SYT9: variants seen among roughly 807,000 people sequenced by gnomAD.
The protein encoded by SYT9 is synaptotagmin-9.
Under a neutral mutation model 48.4 loss-of-function variants are expected in SYT9, and 22 were observed. The ratio of observed to expected loss-of-function variants is 0.45; its 90% CI spans 0.32 to 0.65. The LOEUF (loss-of-function observed/expected upper bound fraction) is 0.65, where lower values mean the gene tolerates loss of function less well. Ranked by LOEUF, SYT9 falls within the 30% of genes least tolerant of loss-of-function variation. SYT9 has a pLI of 0.03. For synonymous variants in SYT9, 265 were observed against 245.0 expected, an observed-to-expected ratio of 1.08 and a Z score of -0.76; for missense variants, 577 against 622.0, an observed-to-expected ratio of 0.93 and a Z score of 0.77.
Position 7,252,069 on chromosome 11 carries a change from C to A in SYT9, c.-118C>A. On this transcript the variant is annotated 5_prime_UTR_variant, in exon 1 of 7. Transcript: ENST00000318881. This position sits in a 1 kb window ranked among gnomAD's most constrained non-coding sequence, Gnocchi z 6.3. ...GCTCGGGCTCAGGCTCGCACCGTTT[C>A]TCGGCAGGTCCCTGGCGGTGAGCGC... 2 of 1,199,392 alleles carry A rather than the reference C, an allele frequency of 1.7e-6. No individual in the cohort carries two copies. Among genetic ancestry groups the A allele is most frequent in the African/African-American group, 1.6e-5 (1 of 62,640 alleles). The allele number at this position is 1,199,392 out of a possible 1,614,324, so 74.3% of individuals were successfully genotyped here. A position where few individuals can be genotyped will look rare whatever the true frequency, so the allele number is the denominator to read the frequency against.
At chr11:7,335,231 GA>G (rs1849613255) in intron 3 of SYT9, among the ~76,000 whole-genome samples, 1 of 151,878 alleles carries the variant, frequency 6.6e-6, no homozygotes, top group Non-Finnish European at 1.5e-5. Context: ...AAATGAAATT[GA>G]GCATCATTTC....
Position 7,375,304 on chromosome 11 carries a change from G to A in SYT9, c.1045-40738G>A, listed in dbSNP as rs1249095839. Among the ~76,000 whole-genome samples the A allele has an allele frequency of 3.9e-5, 6 of 152,164 alleles. No homozygotes were observed. In the East Asian group the frequency reaches 1.2e-3, roughly 29 times the overall value. ...TATCTTTTGGTACCAGTACCATGCTGTTTTGGTTACTATAGCCTTGTGATG... is the reference window on the plus strand; with the variant it reads ...TATCTTTTGGTACCAGTACCATGCTATTTTGGTTACTATAGCCTTGTGATG... On this transcript the variant is annotated intron_variant, in intron 3 of 6. Coordinates refer to ENST00000318881, the MANE Select transcript of SYT9 (RefSeq NM_175733.4).
At chr11:7,393,255 T>A (rs2134063665) in intron 3 of SYT9, among the ~76,000 whole-genome samples, 1 of 151,614 alleles carries the variant, frequency 6.6e-6, no homozygotes, top group Admixed American at 6.6e-5. Context: ...TGGCTCTTTC[T>A]ATTTTGAGGT....
chr11:7,453,165 T>C, intron 6 of SYT9, among the ~76,000 whole-genome samples: 1 of 151,918 alleles, frequency 6.6e-6, no homozygotes, highest in East Asian at 2.0e-4. Context: ...CTAAGGCGGA[T>C]GGATTGCTTG....
At chr11:7,268,825 A>C (rs894066249) in intron 1 of SYT9, among the ~76,000 whole-genome samples, 11 of 152,114 alleles carry the variant, frequency 7.2e-5, no homozygotes, top group African/African-American at 2.7e-4. Flanking sequence ...TGCAAGCATC[A>C]CTATAAATCA....
At chr11:7,311,167 T>C (rs1364424684) in intron 2 of SYT9, among the ~76,000 whole-genome samples, 2 of 152,142 alleles carry the variant, frequency 1.3e-5, no homozygotes, top group Non-Finnish European at 2.9e-5. Flanking sequence ...CCAGGTGTGG[T>C]GGCGCATGCC....
intron 6 of SYT9, among the ~76,000 whole-genome samples, chr11:7,464,910 G>A (rs1039685440): frequency 3.3e-5 from 5 of 151,520 alleles, no homozygotes; most frequent in South Asian, 2.1e-4. Context: ...GTGAAACCCC[G>A]TCTCTACTAA....
intron 3 of SYT9, among the ~76,000 whole-genome samples, chr11:7,365,502 T>C (rs1850223485): frequency 6.6e-6 from 1 of 152,354 alleles, no homozygotes; most frequent in Admixed American, 6.5e-5. Flanking sequence ...CTGAGCAAAC[T>C]GAATTGGAAT....
At chr11:7,458,344 G>A (rs1848185069) in intron 6 of SYT9, among the ~76,000 whole-genome samples, 1 of 152,144 alleles carries the variant, frequency 6.6e-6, no homozygotes, top group African/African-American at 2.4e-5. Context: ...AGCCGGGCAT[G>A]GTGGCGGTCG....
intron 3 of SYT9, among the ~76,000 whole-genome samples, chr11:7,358,263 G>T (rs1589969769): frequency 6.6e-6 from 1 of 150,998 alleles, no homozygotes; most frequent in East Asian, 1.9e-4. Context: ...CATAGACATT[G>T]TCTTCTTTTA....
In SYT9 at chr11:7,313,778, C is replaced by G. The variant is rs1446959308; in HGVS notation, c.881C>G (p.Pro294Arg). The G allele has an allele frequency of 6.2e-7, 1 of 1,614,172 alleles. No individual in the cohort carries two copies. The highest frequency in any genetic ancestry group is 2.2e-5 in the East Asian group (1 of 44,890). Reference sequence around the variant, plus strand: ...GATGAAGTGTTTTTATTTCCGGTTCCCTACAATGACCTTGAAGCACGGAAG... The same window carrying G: ...GATGAAGTGTTTTTATTTCCGGTTCGCTACAATGACCTTGAAGCACGGAAG... The part of the protein sequence containing the change: ...VFDEVFLFPV[P>R]YNDLEARKLH... The change falls in exon 3 of 7, where the codon CCC becomes CGC. Residue 294 changes from proline (P) to arginine (R), a missense_variant. By Grantham distance (103) the Pro-to-Arg change is moderately radical. Coordinates refer to ENST00000318881, the MANE Select transcript of SYT9 (RefSeq NM_175733.4).
intron 3 of SYT9, among the ~76,000 whole-genome samples, chr11:7,320,221 T>A (rs554914878): frequency 3.3e-4 from 50 of 152,312 alleles, no homozygotes; most frequent in African/African-American, 1.1e-3. Context: ...CCAAGTTTTT[T>A]AAATAATCAT....
rs934704404 is a variant in SYT9 at position 7,252,143 on chromosome 11, C to G, written c.-44C>G. On this transcript the variant is annotated 5_prime_UTR_variant, in exon 1 of 7. Coordinates refer to ENST00000318881, the MANE Select transcript of SYT9 (RefSeq NM_175733.4). This position sits in a 1 kb window ranked among gnomAD's most constrained non-coding sequence, Gnocchi z 6.3. The stretch of plus-strand genomic sequence containing the variant: ...TGAGCTGGCAGGCGGAGGGCTGTCT[C>G]CTGCGCCCGCCTGCCCGGCGCGGTC... The G allele has an allele frequency of 3.6e-6, 5 of 1,378,488 alleles. No individual in the cohort carries two copies. In the African/African-American group the frequency reaches 6.1e-5, roughly 17 times the overall value. The allele number at this position is 1,378,488 out of a possible 1,614,324, so 85.4% of individuals were successfully genotyped here. A position where few individuals can be genotyped will look rare whatever the true frequency, so the allele number is the denominator to read the frequency against.
chr11:7,284,004 T>C (rs1200525173), intron 1 of SYT9, among the ~76,000 whole-genome samples: 1 of 152,204 alleles, frequency 6.6e-6, no homozygotes, highest in Non-Finnish European at 1.5e-5. Context: ...CTTATCTCCA[T>C]CAATTATTCA....
chr11:7,320,673 A>G (rs1462699646), intron 3 of SYT9, among the ~76,000 whole-genome samples: 1 of 152,188 alleles, frequency 6.6e-6, no homozygotes, highest in East Asian at 1.9e-4. Flanking sequence ...TTTTTTAAAA[A>G]ATTCTTTGTT....
At chr11:7,428,527 G>T (rs1847509115) in intron 6 of SYT9, among the ~76,000 whole-genome samples, 1 of 152,236 alleles carries the variant, frequency 6.6e-6, no homozygotes, top group African/African-American at 2.4e-5. Flanking sequence ...CCCTCCTGGG[G>T]AATGGGGCCT....
intron 3 of SYT9, among the ~76,000 whole-genome samples, chr11:7,366,840 C>T (rs547267479): frequency 6.6e-6 from 1 of 151,896 alleles, no homozygotes; most frequent in African/African-American, 2.4e-5. Flanking sequence ...TGTATAGTTC[C>T]ACAAATTGTG....
At chr11:7,362,073 A>C (rs905415430) in intron 3 of SYT9, among the ~76,000 whole-genome samples, 8 of 151,932 alleles carry the variant, frequency 5.3e-5, no homozygotes. Context: ...TCCCCAAAGT[A>C]CCATCCAGTA....
chr11:7,458,353 C>T (rs1413943220), intron 6 of SYT9, among the ~76,000 whole-genome samples: 3 of 151,968 alleles, frequency 2.0e-5, no homozygotes, highest in Non-Finnish European at 4.4e-5. Context: ...TGGTGGCGGT[C>T]GCCTGTAATC....
Sources: gnomAD v4.1 joint callset for allele counts (sites outside exome capture counted in the v4.1 genomes callset) on GRCh38, gnomAD v4.1.1 for gene constraint, Gnocchi (gnomAD v3.1) non-coding constraint, MANE v1.5 for transcripts, NCBI Gene and HGNC (gene_info 2026-07-23, HGNC 2026-07-21) for gene names.